Variants in MAGI2 observed in about 807,000 individuals in gnomAD.
The protein encoded by MAGI2 is membrane-associated guanylate kinase, WW and PDZ domain-containing protein 2.
In MAGI2, 35 loss-of-function variants were observed where a neutral mutation model predicts 133.3. That is an observed-to-expected ratio of 0.26 (90% CI 0.20 to 0.35). The LOEUF is 0.35. MAGI2 is among the 10% of genes least tolerant of loss of function. The pLI, the probability that MAGI2 is intolerant of heterozygous loss-of-function variation, is 1.00. For missense variants in MAGI2, 1,636 were observed against 1,863.4 expected (o/e 0.88, Z 2.25); for synonymous variants, 729 against 710.6 (o/e 1.03, Z -0.41).
Position 78,580,082 on chromosome 7 carries a change from T to A in MAGI2, c.538+47038A>T, listed in dbSNP as rs192034139. 7.9e-5 allele frequency among the ~76,000 whole-genome samples: 12 copies of A among 151,726 alleles called. No individual in the cohort carries two copies. In the East Asian group the frequency reaches 1.2e-3, roughly 15 times the overall value. On this transcript the variant is annotated intron_variant, in intron 3 of 21. Transcript: ENST00000354212. ...TGAAGCTTTTTGAAGTAACTTTTTT[T>A]ATAATATGGTGAATGTAATGTGTTT...
At chr7:78,711,349 T>C (rs1432432102) in intron 2 of MAGI2, among the ~76,000 whole-genome samples, 1 of 152,046 alleles carries the variant, frequency 6.6e-6, no homozygotes, top group East Asian at 1.9e-4. Flanking sequence ...GAGCAAGGAA[T>C]GGAGGTTGCA....
chr7:78,306,044 G>A (rs1798220902), intron 9 of MAGI2, among the ~76,000 whole-genome samples: 1 of 152,276 alleles, frequency 6.6e-6, no homozygotes, highest in East Asian at 1.9e-4. Flanking sequence ...CAGAAAATAT[G>A]AAAATACCCA....
At chr7:78,962,520 T>C (rs1052053590) in intron 2 of MAGI2, among the ~76,000 whole-genome samples, 1 of 151,788 alleles carries the variant, frequency 6.6e-6, no homozygotes, top group South Asian at 2.1e-4. Context: ...TTTTTTTTTT[T>C]TTCTTCCCAG....
intron 2 of MAGI2, among the ~76,000 whole-genome samples, chr7:78,933,331 C>G (rs557266785): frequency 2.4e-4 from 36 of 152,210 alleles, no homozygotes; most frequent in Middle Eastern, 3.4e-3. Context: ...AAAACAGTTT[C>G]TTTAACAGCA....
intron 2 of MAGI2, among the ~76,000 whole-genome samples, chr7:78,821,229 C>G (rs2151426510): frequency 6.6e-6 from 1 of 152,170 alleles, no homozygotes; most frequent in East Asian, 1.9e-4. Context: ...GAAGAGTATC[C>G]ATTCAATCAT....
chr7:78,640,051 T>G (rs1036964745), intron 2 of MAGI2, among the ~76,000 whole-genome samples: 4 of 152,182 alleles, frequency 2.6e-5, no homozygotes, highest in African/African-American at 9.6e-5. Flanking sequence ...CCCCATGGCC[T>G]AGATCCATAT....
chr7:79,201,535 T>A (rs1295190197), intron 1 of MAGI2, among the ~76,000 whole-genome samples: 2 of 151,896 alleles, frequency 1.3e-5, no homozygotes, highest in Non-Finnish European at 2.9e-5. Flanking sequence ...TTTTGTTTGT[T>A]TTTTTAATGG....
intron 2 of MAGI2, among the ~76,000 whole-genome samples, chr7:78,987,741 G>A (rs1431367264): frequency 6.6e-6 from 1 of 151,790 alleles, no homozygotes; most frequent in Non-Finnish European, 1.5e-5. Context: ...TTTAATAAAA[G>A]AAATAACCAG....
At chr7:79,245,192 C>T (rs1363755096) in intron 1 of MAGI2, among the ~76,000 whole-genome samples, 1 of 152,028 alleles carries the variant, frequency 6.6e-6, no homozygotes, top group Non-Finnish European at 1.5e-5. Context: ...TATGACCTGA[C>T]ATATTCCCAG....
At position 78,017,122 on chromosome 7, in the gene MAGI2, G is replaced by A. The variant is rs1455047569; in HGVS notation, c.*2193C>T. 1 of 152,634 alleles carries A rather than the reference G, an allele frequency of 6.6e-6. No individual in the cohort carries two copies. The highest frequency in any genetic ancestry group is 2.4e-5 in the African/African-American group (1 of 41,444). 9.5% of individuals were successfully genotyped at this position (152,634 alleles called of 1,614,324 possible). A position where few individuals can be genotyped will look rare whatever the true frequency, so the allele number is the denominator to read the frequency against. On this transcript the variant is annotated 3_prime_UTR_variant, in exon 22 of 22. Transcript: ENST00000354212. ...TGACAGTGTTTTAGAATATCATACA[G>A]TAAACAAGATTTCTGTAAAAGTTAA...
intron 13 of MAGI2, among the ~76,000 whole-genome samples, chr7:78,180,428 A>G (rs974818623): frequency 2.0e-5 from 3 of 152,206 alleles, no homozygotes; most frequent in African/African-American, 7.2e-5. Flanking sequence ...TCAAGGCACA[A>G]GAAGTTTGTC....
chr7:78,412,457 T>C (rs970173865), intron 6 of MAGI2, among the ~76,000 whole-genome samples: 9 of 152,080 alleles, frequency 5.9e-5, no homozygotes, highest in Non-Finnish European at 1.0e-4. Flanking sequence ...ATGGGTGACA[T>C]CTGAGCTGTG....
At position 78,973,035 on chromosome 7, in the gene MAGI2, A is replaced by G. The variant is rs188593415; in HGVS notation, c.418+34055T>C. On this transcript the variant is annotated intron_variant, in intron 2 of 21. Coordinates refer to ENST00000354212, the MANE Select transcript of MAGI2 (RefSeq NM_012301.4). ...CATTTCCCTCAAAGTAGTTACAGGTACAAAAACTGAAATACTGAATGGTCA... is the reference window on the plus strand; with the variant it reads ...CATTTCCCTCAAAGTAGTTACAGGTGCAAAAACTGAAATACTGAATGGTCA... Among the ~76,000 whole-genome samples the G allele has an allele frequency of 1.4e-3, 208 of 151,960 alleles. 4 individuals are homozygous for G. Among genetic ancestry groups the G allele is most frequent in the Admixed American group, 0.012 (177 of 15,208 alleles).
chr7:79,031,017 A>C (rs1810517378), intron 1 of MAGI2, among the ~76,000 whole-genome samples: 1 of 152,174 alleles, frequency 6.6e-6, no homozygotes, highest in Non-Finnish European at 1.5e-5. Context: ...ATACATCTGA[A>C]CAACTAGCAC....
At chr7:78,135,340 A>C (rs1037925874) in intron 16 of MAGI2, 134 bp from the exon 17 acceptor site, 2 of 745,096 alleles carry the variant, frequency 2.7e-6, no homozygotes, top group Non-Finnish European at 4.4e-6. Flanking sequence ...AAATCACACT[A>C]ATTTCTATCA....
At chr7:78,956,915 A>G (rs1337920744) in intron 2 of MAGI2, among the ~76,000 whole-genome samples, 2 of 152,132 alleles carry the variant, frequency 1.3e-5, no homozygotes, top group East Asian at 3.9e-4. Flanking sequence ...TTGCTAGCTC[A>G]GGGTTTTCTG....
intron 1 of MAGI2, among the ~76,000 whole-genome samples, chr7:79,090,351 C>G (rs1189064611): frequency 6.6e-6 from 1 of 151,868 alleles, no homozygotes; most frequent in African/African-American, 2.4e-5. Flanking sequence ...AAATGTCTCT[C>G]CATAATATAA....
At chr7:78,354,037 C>T (rs1484023581) in intron 7 of MAGI2, among the ~76,000 whole-genome samples, 1 of 152,144 alleles carries the variant, frequency 6.6e-6, no homozygotes, top group Non-Finnish European at 1.5e-5. Context: ...CACACATCAA[C>T]CAAGTAGGAA....
At chr7:79,174,867 C>A (rs1277805249) in intron 1 of MAGI2, among the ~76,000 whole-genome samples, 1 of 151,722 alleles carries the variant, frequency 6.6e-6, no homozygotes, top group Non-Finnish European at 1.5e-5. Flanking sequence ...TCAAATCTTG[C>A]AAGAACTATT....
Sources: gnomAD v4.1 joint callset for allele counts (sites outside exome capture counted in the v4.1 genomes callset) on GRCh38, gnomAD v4.1.1 for gene constraint, MANE v1.5 for transcripts, NCBI Gene and HGNC (gene_info 2026-07-23, HGNC 2026-07-21) for gene names.